CSMD1: variants seen among roughly 807,000 people sequenced by gnomAD.
CSMD1 encodes the protein CUB and Sushi multiple domains 1, also known as CUB and sushi domain-containing protein 1.
CSMD1 carries 213 observed loss-of-function variants against 417.5 expected under a neutral mutation model. The observed-to-expected ratio is 0.51, with a 90% CI of 0.46 to 0.57. The LOEUF (loss-of-function observed/expected upper bound fraction) is 0.57, where lower values mean the gene tolerates loss of function less well. CSMD1 is among the 20% of genes least tolerant of loss of function. The pLI is 0.00. For synonymous variants in CSMD1, 2,862 were observed against 1,736.8 expected (o/e 1.65, Z -16.11); for missense variants, 6,923 against 4,529.7 (o/e 1.53, Z -15.17).
intron 3 of CSMD1, among the ~76,000 whole-genome samples, chr8:4,266,975 T>G (rs1804265207): frequency 9.6e-6 from 1 of 104,396 alleles, no homozygotes; most frequent in Non-Finnish European, 2.6e-5. Context: ...TTTTGGAACT[T>G]AAGAAGATAA....
At chr8:3,579,922 G>C (rs545394152) in intron 9 of CSMD1, among the ~76,000 whole-genome samples, 66 of 152,194 alleles carry the variant, frequency 4.3e-4, no homozygotes, top group African/African-American at 1.5e-3. Context: ...TGGCCAACAT[G>C]GTGAAACCCT....
At chr8:4,413,332 C>T (rs1796750507) in intron 3 of CSMD1, among the ~76,000 whole-genome samples, 1 of 152,062 alleles carries the variant, frequency 6.6e-6, no homozygotes, top group Admixed American at 6.6e-5. Context: ...GTGGGGCTGC[C>T]CAAACCAATT....
chr8:3,159,123 T>G (rs934149980), intron 38 of CSMD1, among the ~76,000 whole-genome samples: 2 of 152,218 alleles, frequency 1.3e-5, no homozygotes, highest in African/African-American at 4.8e-5. Flanking sequence ...TTCGACGCAT[T>G]AAATTATCCT....
intron 51 of CSMD1, among the ~76,000 whole-genome samples, chr8:3,023,386 T>C (rs576830131): frequency 5.3e-5 from 8 of 152,218 alleles, no homozygotes; most frequent in Non-Finnish European, 1.0e-4. Context: ...TTTTTAAATA[T>C]GAACAGTAAG....
At chr8:3,909,647 G>A (rs564402564) in intron 5 of CSMD1, among the ~76,000 whole-genome samples, 7 of 152,106 alleles carry the variant, frequency 4.6e-5, no homozygotes, top group Non-Finnish European at 4.4e-5. Context: ...AGGAATGGGT[G>A]AAGAGTCACC....
chr8:3,140,799 CA>C (rs1818392223), intron 41 of CSMD1, among the ~76,000 whole-genome samples: 1 of 151,764 alleles, frequency 6.6e-6, no homozygotes, highest in African/African-American at 2.4e-5. Flanking sequence ...AAGGAAAGGC[CA>C]TACAAATTAT....
intron 55 of CSMD1, among the ~76,000 whole-genome samples, chr8:2,977,853 T>C (rs574246117): frequency 2.0e-5 from 3 of 152,184 alleles, no homozygotes; most frequent in South Asian, 2.1e-4. Context: ...ATAAGGGAAA[T>C]GCAAATCAAA....
intron 22 of CSMD1, among the ~76,000 whole-genome samples, chr8:3,347,687 A>G (rs1808104771): frequency 6.6e-6 from 1 of 152,204 alleles, no homozygotes; most frequent in Admixed American, 6.5e-5. Context: ...AAAGGTAGGT[A>G]CAATTGCATT....
At chr8:4,347,733 G>A (rs79689326) in intron 3 of CSMD1, among the ~76,000 whole-genome samples, 3,033 of 152,176 alleles carry the variant, frequency 0.02, 47 homozygotes, top group Middle Eastern at 0.034. Context: ...ACTCAATTCT[G>A]AGTGCCTAGC....
intron 2 of CSMD1, among the ~76,000 whole-genome samples, chr8:4,616,833 T>C (rs1484964331): frequency 7.2e-5 from 11 of 152,218 alleles, no homozygotes; most frequent in East Asian, 1.9e-4. Context: ...ATTTTGGTCT[T>C]CTGGGCTTAT....
At chr8:4,693,930 G>A (rs147739460) in intron 1 of CSMD1, among the ~76,000 whole-genome samples, 1 of 152,224 alleles carries the variant, frequency 6.6e-6, no homozygotes, top group Non-Finnish European at 1.5e-5. Flanking sequence ...GGTCACAAAT[G>A]GTTTCTTTAT....
chr8:3,954,732 C>G (rs752416114), intron 5 of CSMD1, among the ~76,000 whole-genome samples: 1 of 152,234 alleles, frequency 6.6e-6, no homozygotes, highest in Non-Finnish European at 1.5e-5. Flanking sequence ...CCCGCATGCG[C>G]AGAGCCCTCC....
intron 3 of CSMD1, among the ~76,000 whole-genome samples, chr8:4,114,835 G>A (rs192273274): frequency 5.4e-4 from 82 of 152,280 alleles, no homozygotes; most frequent in African/African-American, 1.9e-3. Flanking sequence ...AGGGGAGGCT[G>A]AAGACGTGAC....
At chr8:3,847,724 G>A (rs112529597) in intron 5 of CSMD1, among the ~76,000 whole-genome samples, 4 of 152,096 alleles carry the variant, frequency 2.6e-5, no homozygotes, top group African/African-American at 9.7e-5. Flanking sequence ...CTTATAGCAA[G>A]TCTCAATCCC....
intron 2 of CSMD1, among the ~76,000 whole-genome samples, chr8:4,623,182 A>G (rs1286199698): frequency 6.6e-6 from 1 of 152,122 alleles, no homozygotes; most frequent in Non-Finnish European, 1.5e-5. Context: ...TGCGCAAAAT[A>G]TTTTAACAGA....
intron 52 of CSMD1, among the ~76,000 whole-genome samples, chr8:3,014,075 A>G (rs1399529611): frequency 2.0e-5 from 3 of 152,140 alleles, no homozygotes; most frequent in East Asian, 1.9e-4. Context: ...AAAATTTTAC[A>G]TTAATTTCTA....
At chr8:3,684,590 T>C (rs911621690) in intron 7 of CSMD1, among the ~76,000 whole-genome samples, 8 of 145,902 alleles carry the variant, frequency 5.5e-5, no homozygotes, top group African/African-American at 1.8e-4. Flanking sequence ...CAGATACTGA[T>C]ACAGTCTTTT....
chr8:3,299,542 GCA>G (rs1804231190), intron 25 of CSMD1, among the ~76,000 whole-genome samples: 1 of 145,946 alleles, frequency 6.9e-6, no homozygotes, highest in Non-Finnish European at 1.5e-5. Context: ...ATCCTCCAAC[GCA>G]CAGTGTCCCA....
intron 33 of CSMD1, among the ~76,000 whole-genome samples, chr8:3,193,153 T>C (rs550589404): frequency 1.6e-4 from 24 of 152,286 alleles, no homozygotes; most frequent in African/African-American, 4.6e-4. Context: ...TATGCAAACA[T>C]ATTTGTACCT....
Sources: gnomAD v4.1 joint callset for allele counts (sites outside exome capture counted in the v4.1 genomes callset) on GRCh38, gnomAD v4.1.1 for gene constraint, MANE v1.5 for transcripts, NCBI Gene and HGNC (gene_info 2026-07-23, HGNC 2026-07-21) for gene names.